FAM98A: variants seen among roughly 807,000 people sequenced by gnomAD.
FAM98A encodes the protein tRNA splicing ligase complex subunit 3A, also known as protein FAM98A.
A neutral mutation model predicts 62.9 loss-of-function variants in FAM98A; 25 were observed. That is an observed-to-expected ratio of 0.40 (90% confidence interval 0.29 to 0.56). The LOEUF is 0.56. FAM98A is among the 20% of genes least tolerant of loss of function. The probability of loss-of-function intolerance (pLI) is 0.51; values close to 1 mark genes in which losing one functional copy is unlikely to be tolerated. For missense variants in FAM98A, 653 were observed against 640.7 expected, an observed-to-expected ratio of 1.02 and a Z score of -0.21; for synonymous variants, 252 against 228.6, an observed-to-expected ratio of 1.10 and a Z score of -0.92.
intron 1 of FAM98A, among the ~76,000 whole-genome samples, chr2:33,597,253 G>A (rs62150473): frequency 0.4 from 61,291 of 151,994 alleles, 14,776 homozygotes; most frequent in Admixed American, 0.52. Context: ...CAGCTACTCC[G>A]GAGCCTGAAG....
intron 2 of FAM98A, among the ~76,000 whole-genome samples, chr2:33,594,706 T>TAC (rs369915585): frequency 0.019 from 247 of 13,344 alleles, 46 homozygotes; most frequent in African/African-American, 0.038. Context: ...CATATATATA[T>TAC]ACACACACAC....
At chr2:33,595,409 C>T (rs1283602814) in intron 2 of FAM98A, 80 bp downstream of exon 2, 2 of 1,229,092 alleles carry the variant, frequency 1.6e-6, no homozygotes, top group Non-Finnish European at 2.2e-6. Flanking sequence ...CAACTTTCAG[C>T]TTTAGTATTG....
chr2:33,599,236 C>T lies in FAM98A; in HGVS notation c.-15G>A. The stretch of plus-strand genomic sequence containing the variant: ...TCACACTCCATGCTACTGTGGTATT[C>T]AAATTTCCGAGTCGTCAGGCTCCCC... On this transcript the variant is annotated 5_prime_UTR_variant, in exon 1 of 8. It removes the in-frame stop codon of an upstream open reading frame in the 5' UTR. Transcript: ENST00000238823. 1 of 1,612,462 alleles carries T rather than the reference C, an allele frequency of 6.2e-7. No individual in the cohort carries two copies. The highest frequency in any genetic ancestry group is 8.5e-7 in the Non-Finnish European group (1 of 1,178,448).
chr2:33,595,349 GA>G (rs1047924842), intron 2 of FAM98A, 139 bp downstream of exon 2: 30 of 638,734 alleles, frequency 4.7e-5, no homozygotes, highest in African/African-American at 1.4e-4. Flanking sequence ...ACAACGGACG[GA>G]AAAAAAATCT....
rs1677687180 is a variant in FAM98A at position 33,592,204 on chromosome 2, T to C, written c.213A>G (p.Glu71=). The C allele has an allele frequency of 6.2e-7, 1 of 1,610,378 alleles. No homozygotes were observed. The highest frequency in any genetic ancestry group is 1.3e-5 in the African/African-American group (1 of 74,836). Residue 71 remains glutamate, a synonymous_variant, in exon 3 of 8, where the codon GAA becomes GAG. Transcript: ENST00000238823. ...ENVQATNSPS[E]AEEFQLEVSG... ...TCACCTCAAGCTGGAATTCTTCAGC[T>C]TCACTCGGACCTTTTAAGAATTAAA...
intron 4 of FAM98A, 162 bp from the exon 5 acceptor site, chr2:33,587,482 C>T (rs950944413): frequency 1.5e-5 from 9 of 619,312 alleles, no homozygotes; most frequent in Non-Finnish European, 2.6e-5. Context: ...GATAAAGACA[C>T]TCACTGGTCC....
intron 4 of FAM98A, 165 bp from the exon 5 acceptor site, chr2:33,587,485 A>G: frequency 4.9e-6 from 3 of 612,050 alleles, no homozygotes; most frequent in Non-Finnish European, 2.9e-6. Context: ...AAAGACACTC[A>G]CTGGTCCCAC....
intron 1 of FAM98A, among the ~76,000 whole-genome samples, chr2:33,598,513 G>A (rs1162604649): frequency 6.6e-6 from 1 of 152,202 alleles, no homozygotes; most frequent in Non-Finnish European, 1.5e-5. Flanking sequence ...CAAATACGCA[G>A]GTTCTTCGTG....
chr2:33,588,585 C>A, intron 3 of FAM98A, 66 bp from the exon 4 acceptor site: 1 of 1,363,118 alleles, frequency 7.3e-7, no homozygotes, highest in South Asian at 1.3e-5. Context: ...AGTCTGGAGT[C>A]ACAACTATAT....
intron 3 of FAM98A, 67 bp from the exon 4 acceptor site, chr2:33,588,586 A>G: frequency 1.5e-6 from 2 of 1,331,828 alleles, no homozygotes; most frequent in Non-Finnish European, 2.1e-6. Context: ...GTCTGGAGTC[A>G]CAACTATATA....
chr2:33,596,891 C>CAAAAAAA (rs55741538), intron 1 of FAM98A, among the ~76,000 whole-genome samples: 1 of 103,426 alleles, frequency 9.7e-6, no homozygotes, highest in Non-Finnish European at 1.8e-5. Flanking sequence ...GACTCCGTAT[C>CAAAAAAA]AAAAAAAAAA....
intron 2 of FAM98A, 66 bp downstream of exon 2, chr2:33,595,423 A>G (rs1677788021): frequency 7.5e-7 from 1 of 1,334,884 alleles, no homozygotes; most frequent in South Asian, 1.4e-5. Context: ...AGTATTGATA[A>G]TGTTCAGTTG....
At chr2:33,595,066 C>T (rs558884084) in intron 2 of FAM98A, among the ~76,000 whole-genome samples, 1 of 152,276 alleles carries the variant, frequency 6.6e-6, no homozygotes, top group African/African-American at 2.4e-5. Flanking sequence ...TCTCTTTCTC[C>T]CCAAGCATAA....
intron 1 of FAM98A, among the ~76,000 whole-genome samples, chr2:33,598,028 A>C (rs1328402484): frequency 2.0e-5 from 3 of 152,252 alleles, no homozygotes; most frequent in Non-Finnish European, 4.4e-5. Context: ...AAAGTCTGGA[A>C]TATTTATAAA....
At chr2:33,590,831 T>A (rs1167592865) in intron 3 of FAM98A, among the ~76,000 whole-genome samples, 1 of 152,158 alleles carries the variant, frequency 6.6e-6, no homozygotes, top group Non-Finnish European at 1.5e-5. Flanking sequence ...GTATCAGTGC[T>A]AAAAAGGCCA....
intron 1 of FAM98A, among the ~76,000 whole-genome samples, chr2:33,597,730 T>C (rs911434086): frequency 1.3e-5 from 2 of 152,198 alleles, no homozygotes; most frequent in African/African-American, 2.4e-5. Context: ...AGTACTATAG[T>C]GTCATTTATT....
At chr2:33,588,228 A>G in intron 4 of FAM98A, 107 bp downstream of exon 4, 1 of 841,446 alleles carries the variant, frequency 1.2e-6, no homozygotes, top group East Asian at 2.5e-5. Flanking sequence ...ACTTAATAAT[A>G]TATGCACATT....
intron 1 of FAM98A, 85 bp downstream of exon 1, chr2:33,599,084 C>G (rs1677892806): frequency 9.1e-7 from 1 of 1,104,540 alleles, no homozygotes; most frequent in African/African-American, 1.5e-5. Context: ...CGTGGAGAGG[C>G]AGGTGTCTCA....
Position 33,586,691 on chromosome 2 carries a change from T to A in FAM98A, c.604-13A>T. The stretch of plus-strand genomic sequence containing the variant: ...CTTCTATCTTTTCCTGAAGCAAAAT[T>A]AAAAAGACTAGTTAGAGTTTAAATC... On this transcript the variant is annotated splice_polypyrimidine_tract_variant and intron_variant, in intron 5 of 7. Coordinates refer to ENST00000238823, the MANE Select transcript of FAM98A (RefSeq NM_015475.5). The A allele has an allele frequency of 6.6e-7, 1 of 1,521,270 alleles. No homozygotes were observed. The highest frequency in any genetic ancestry group is 9.1e-7 in the Non-Finnish European group (1 of 1,095,904). 94.2% of individuals were successfully genotyped at this position (1,521,270 alleles called of 1,614,324 possible).
Sources: gnomAD v4.1 joint callset for allele counts (sites outside exome capture counted in the v4.1 genomes callset) on GRCh38, gnomAD v4.1.1 for gene constraint, MANE v1.5 for transcripts, NCBI Gene and HGNC (gene_info 2026-07-23, HGNC 2026-07-21) for gene names.